Variants in WHAMM observed in about 807,000 individuals in gnomAD.
WHAMM encodes WASP homolog-associated protein with actin, membranes and microtubules.
A neutral mutation model predicts 76.5 loss-of-function variants in WHAMM; 67 were observed. The ratio of observed to expected loss-of-function variants is 0.88; its 90% CI spans 0.72 to 1.07. WHAMM has a LOEUF of 1.07. Ranked by LOEUF, WHAMM falls within the 50% of genes least tolerant of loss-of-function variation. The probability of loss-of-function intolerance (pLI) is 0.00; values close to 1 mark genes in which losing one functional copy is unlikely to be tolerated. For synonymous variants in WHAMM, 419 were observed against 422.1 expected (o/e 0.99, Z 0.09); for missense variants, 1,021 against 1,051.1 (o/e 0.97, Z 0.40).
At chr15:82,823,043 C>G in intron 5 of WHAMM, 57 bp from the exon 6 acceptor site, 1 of 1,247,352 alleles carries the variant, frequency 8.0e-7, no homozygotes. Flanking sequence ...TAAAAAAATT[C>G]AATGCATTTT....
Position 82,813,355 on chromosome 15 carries a change from A to G in WHAMM, c.783+79A>G, listed in dbSNP as rs78283741. 135 of 1,217,550 alleles carry G rather than the reference A, an allele frequency of 1.1e-4. No homozygotes were observed. In the East Asian group the frequency reaches 2.3e-3, roughly 21 times the overall value. 75.4% of individuals were successfully genotyped at this position (1,217,550 alleles called of 1,614,324 possible). The stretch of plus-strand genomic sequence containing the variant: ...TTTCTTTATTTACACTTAATGTTCA[A>G]TCTCTGTTTGTACTTTGTTTGGGTT... On this transcript the variant is annotated intron_variant, in intron 2 of 9. Coordinates refer to ENST00000286760, the MANE Select transcript of WHAMM (RefSeq NM_001080435.3).
chr15:82,814,766 CTT>C (rs773443880), intron 2 of WHAMM, among the ~76,000 whole-genome samples: 3 of 94,772 alleles, frequency 3.2e-5, no homozygotes, highest in African/African-American at 4.4e-5. Flanking sequence ...TTTTTCCTTT[CTT>C]TTTTTTTTTT....
chr15:82,809,714 G>A lies in WHAMM; in HGVS notation c.-13G>A, dbSNP rs780145139. On this transcript the variant is annotated 5_prime_UTR_variant, in exon 1 of 10. Coordinates refer to ENST00000286760, the MANE Select transcript of WHAMM (RefSeq NM_001080435.3). ...GCGCCCGCCGAGCCCTAGGGCCGCT[G>A]CTGCCGACAGCCATGGAGGACGAGC... 6 of 1,418,132 alleles carry A rather than the reference G, an allele frequency of 4.2e-6. No homozygotes were observed. In the African/African-American group the frequency reaches 7.3e-5, roughly 17 times the overall value. The allele number at this position is 1,418,132 out of a possible 1,614,324, so 87.8% of individuals were successfully genotyped here.
chr15:82,816,979 G>A (rs1449716481), intron 3 of WHAMM, 137 bp downstream of exon 3: 14 of 851,750 alleles, frequency 1.6e-5, no homozygotes, highest in African/African-American at 8.7e-5. Flanking sequence ...GTTAAGAGAC[G>A]TTGTACAGTC....
intron 6 of WHAMM, 45 bp from the exon 7 acceptor site, chr15:82,826,360 TACCAG>T: frequency 6.3e-7 from 1 of 1,586,366 alleles, no homozygotes; most frequent in Non-Finnish European, 8.7e-7. Context: ...TTTTATGCTA[TACCAG>T]GGTAATATTA....
At chr15:82,821,522 CA>C (rs2050827149) in intron 5 of WHAMM, among the ~76,000 whole-genome samples, 17 of 152,132 alleles carry the variant, frequency 1.1e-4, no homozygotes, top group Admixed American at 1.1e-3. Flanking sequence ...TCAAGTTAAA[CA>C]TTAGATTGAC....
intron 2 of WHAMM, among the ~76,000 whole-genome samples, chr15:82,815,250 C>T (rs1331487361): frequency 6.7e-6 from 1 of 149,216 alleles, no homozygotes; most frequent in Non-Finnish European, 1.5e-5. Flanking sequence ...AACCCTGTAC[C>T]CTTTAGTCAC....
intron 6 of WHAMM, among the ~76,000 whole-genome samples, chr15:82,824,236 C>G (rs919361928): frequency 5.6e-5 from 8 of 143,342 alleles, no homozygotes; most frequent in African/African-American, 2.0e-4. Context: ...CAGCTCACTG[C>G]AACCTCCACC....
rs1347541176 is a variant in WHAMM at position 82,833,250 on chromosome 15, C to T, written c.2144C>T (p.Ala715Val). ...TCAGGATCTATGGATGAAGTGTTGG[C>T]CTCCTTAAGGCATGGCAGAGCTCCT... is the stretch of plus-strand genomic sequence containing the variant. ...SCPGSMDEVL[A>V]SLRHGRAPLR... Residue 715 changes from alanine (A) to valine (V), a missense_variant, in exon 10 of 10, where the codon GCC becomes GTC. This residue lies in a region of WHAMM where 509 missense variants were observed against 492.3 expected (regional missense o/e 1.03). Coordinates refer to ENST00000286760, the MANE Select transcript of WHAMM (RefSeq NM_001080435.3). 5.0e-6 allele frequency: 8 copies of T among 1,613,682 alleles called. No homozygotes were observed. Among genetic ancestry groups the T allele is most frequent in the Non-Finnish European group, 6.8e-6 (8 of 1,179,812 alleles).
chr15:82,833,547 G>A lies in WHAMM; in HGVS notation c.*11G>A. On this transcript the variant is annotated 3_prime_UTR_variant, in exon 10 of 10. Transcript: ENST00000286760. Reference sequence around the variant, plus strand: ...CAGTGGGATGGTTAGGCTCAAGTTTGACAAAGGCACCTGCCACAGTAGGCT... The same window carrying A: ...CAGTGGGATGGTTAGGCTCAAGTTTAACAAAGGCACCTGCCACAGTAGGCT... 6.2e-7 allele frequency: 1 copy of A among 1,610,698 alleles called. No individual in the cohort carries two copies. Among genetic ancestry groups the A allele is most frequent in the Non-Finnish European group, 8.5e-7 (1 of 1,178,666 alleles).
chr15:82,826,796 A>T lies in WHAMM; in HGVS notation c.1591A>T (p.Ile531Phe), dbSNP rs1002347924. 9.0e-6 allele frequency: 14 copies of T among 1,549,446 alleles called. No individual in the cohort carries two copies. Among genetic ancestry groups the T allele is most frequent in the African/African-American group, 1.4e-5 (1 of 72,836 alleles). ...AGAGGAGCAAAAGAAAAAAGAATGG[A>T]TCAACCAAGAACGTCAAAAAACACT... ...KEEEQKKKEW[I>F]NQERQKTLQR... The change falls in exon 8 of 10, where the codon ATC (isoleucine) becomes TTC (phenylalanine). Residue 531 changes from isoleucine (I) to phenylalanine (F), a missense_variant. By Grantham distance (21) the Ile-to-Phe change is conservative. Coordinates refer to ENST00000286760, the MANE Select transcript of WHAMM (RefSeq NM_001080435.3).
chr15:82,833,463 A>G lies in WHAMM; in HGVS notation c.2357A>G (p.Gln786Arg), dbSNP rs774498426. Residue 786 changes from glutamine (Q) to arginine (R), a missense_variant, in exon 10 of 10, where the codon CAG (glutamine) becomes CGG (arginine). By Grantham distance (43) the Gln-to-Arg change is conservative. Around this residue, in one of 3 missense-constraint regions of WHAMM, gnomAD observed 509 missense variants for 492.3 expected, o/e 1.03. Transcript: ENST00000286760. ...GAGAGGAGCATCAAGGCTGCGCTCC[A>G]GAGAATCAAGAGGGTGTCTGCTGAC... is the stretch of plus-strand genomic sequence containing the variant. Reference protein sequence around the residue: ...DLERSIKAALQRIKRVSADSE... With the variant: ...DLERSIKAALRRIKRVSADSE... 6.2e-6 allele frequency: 10 copies of G among 1,613,922 alleles called. No homozygotes were observed. The highest frequency in any genetic ancestry group is 1.3e-5 in the African/African-American group (1 of 74,938).
chr15:82,818,997 A>T (rs1252813420), intron 4 of WHAMM, among the ~76,000 whole-genome samples: 1 of 152,224 alleles, frequency 6.6e-6, no homozygotes, highest in Non-Finnish European at 1.5e-5. Flanking sequence ...ATCTGAACTT[A>T]ATTACTTCCA....
chr15:82,829,576 G>A (rs1427701510), intron 8 of WHAMM, among the ~76,000 whole-genome samples: 3 of 152,168 alleles, frequency 2.0e-5, no homozygotes, highest in East Asian at 1.9e-4. Flanking sequence ...GGGGCTTGTC[G>A]CCATGACATT....
At chr15:82,826,128 C>A (rs1457815791) in intron 6 of WHAMM, among the ~76,000 whole-genome samples, 1 of 152,114 alleles carries the variant, frequency 6.6e-6, no homozygotes, top group African/African-American at 2.4e-5. Flanking sequence ...ATTGTTGGGA[C>A]ACATCCCATT....
In WHAMM at chr15:82,835,058, CA is replaced by C. The variant is rs1178373803; in HGVS notation, c.*1526del. 2.0e-5 allele frequency: 3 copies of C among 152,092 alleles called. No homozygotes were observed. Among genetic ancestry groups the C allele is most frequent in the African/African-American group, 7.2e-5 (3 of 41,410 alleles). 9.4% of individuals were successfully genotyped at this position (152,092 alleles called of 1,614,324 possible). On this transcript the variant is annotated 3_prime_UTR_variant, in exon 10 of 10. Coordinates refer to ENST00000286760, the MANE Select transcript of WHAMM (RefSeq NM_001080435.3). ...ATATTACTCCTGGGTCTCCACAGAA[CA>C]AAAGGAACGCACCTCGTTTACAAAG...
chr15:82,817,554 T>C (rs2050746915), intron 3 of WHAMM, among the ~76,000 whole-genome samples: 1 of 152,174 alleles, frequency 6.6e-6, no homozygotes. Context: ...GAGTTTCTGA[T>C]ACATTGTGCA....
At chr15:82,832,808 C>T (rs1362393257) in intron 9 of WHAMM, among the ~76,000 whole-genome samples, 1 of 152,104 alleles carries the variant, frequency 6.6e-6, no homozygotes, top group African/African-American at 2.4e-5. Context: ...TAAAAGATTT[C>T]TTTTAGCTGG....
intron 5 of WHAMM, 34 bp from the exon 6 acceptor site, chr15:82,823,066 A>G: frequency 8.0e-7 from 1 of 1,250,234 alleles, no homozygotes; most frequent in South Asian, 3.1e-5. Context: ...AAAATAATAA[A>G]ATATGTTTTA....
Sources: allele counts gnomAD v4.1 joint callset (sites outside exome capture counted in the v4.1 genomes callset), GRCh38; gene constraint gnomAD v4.1.1; regional missense constraint gnomAD v4.1.1; transcripts MANE v1.5; gene names NCBI Gene and HGNC (gene_info 2026-07-23, HGNC 2026-07-21).